The following COL9A2 variants were observed in gnomAD, a reference collection of about 807,000 sequenced individuals.
COL9A2 encodes the protein collagen type IX alpha 2 chain.
A neutral mutation model predicts 111.6 loss-of-function variants in COL9A2; 66 were observed. That is an observed-to-expected ratio of 0.59 (90% confidence interval 0.48 to 0.73). COL9A2 has a LOEUF of 0.73. Ranked by LOEUF, COL9A2 falls within the 30% of genes least tolerant of loss-of-function variation. The pLI is 0.00. For synonymous variants in COL9A2, 353 were observed against 364.1 expected (o/e 0.97, Z 0.35); for missense variants, 881 against 954.1 (o/e 0.92, Z 1.01).
At position 40,307,625 on chromosome 1, in the gene COL9A2, C is replaced by A; in HGVS notation, c.954+78G>T. 1 of 1,591,730 alleles carries A rather than the reference C, an allele frequency of 6.3e-7. No individual in the cohort carries two copies. Among genetic ancestry groups the A allele is most frequent in the Non-Finnish European group, 8.6e-7 (1 of 1,163,266 alleles). On this transcript the variant is annotated intron_variant, in intron 18 of 31. Coordinates refer to ENST00000372748, the MANE Select transcript of COL9A2 (RefSeq NM_001852.4). This position sits in a 1 kb window ranked among gnomAD's most constrained non-coding sequence, Gnocchi z 4.8. ...AAAGGGCATGTCCATGACCTGAGGA[C>A]CCCAGGCTCTTGGTGTCTAGAATCC...
chr1:40,305,673 C>T (rs1380526077), intron 21 of COL9A2, 42 bp downstream of exon 21: 2 of 1,599,390 alleles, frequency 1.3e-6, no homozygotes, highest in Non-Finnish European at 1.7e-6. Flanking sequence ...CATGGCCTCA[C>T]CCTAAAGCAG....
In COL9A2 at chr1:40,303,841, T is replaced by C. The variant is rs1263204205; in HGVS notation, c.1369-2A>G. On this transcript the variant is annotated splice_acceptor_variant, in intron 26 of 31. Transcript: ENST00000372748. LOFTEE classifies it high-confidence loss of function. This position sits in a 1 kb window ranked among gnomAD's most constrained non-coding sequence, Gnocchi z 4.6. Reference sequence around the variant, plus strand: ...GGGCCCCGGCTCGCCGGACTCGCCCTGCAGGCACAAGGAGCAGCGGTCACG... The same window carrying C: ...GGGCCCCGGCTCGCCGGACTCGCCCCGCAGGCACAAGGAGCAGCGGTCACG... 3 of 1,556,996 alleles carry C rather than the reference T, an allele frequency of 1.9e-6. No homozygotes were observed. Among genetic ancestry groups the C allele is most frequent in the Non-Finnish European group, 2.6e-6 (3 of 1,151,368 alleles).
Position 40,300,702 on chromosome 1 carries a change from C to T in COL9A2, c.*480G>A, listed in dbSNP as rs1029348887. On this transcript the variant is annotated 3_prime_UTR_variant, in exon 32 of 32. Coordinates refer to ENST00000372748, the MANE Select transcript of COL9A2 (RefSeq NM_001852.4). The surrounding 1 kb of genome is among the most constrained non-coding windows in gnomAD (Gnocchi z 4.4). ...GGTATAGCCGCCTCAGGGGAGTCAC[C>T]CAGCAGCAGTCACCTGGTAGGTCCA... The T allele has an allele frequency of 6.4e-6, 1 of 157,294 alleles. No homozygotes were observed. Among genetic ancestry groups the T allele is most frequent in the African/African-American group, 2.4e-5 (1 of 41,496 alleles). The allele number at this position is 157,294 out of a possible 1,614,324, so 9.7% of individuals were successfully genotyped here. A position where few individuals can be genotyped will look rare whatever the true frequency, so the allele number is the denominator to read the frequency against.
In COL9A2 at chr1:40,315,120, C is replaced by T. The variant is rs1379750061; in HGVS notation, c.150+470G>A. 5.9e-6 allele frequency: 4 copies of T among 681,700 alleles called. No individual in the cohort carries two copies. In the Admixed American group the frequency reaches 2.2e-4, roughly 37 times the overall value. 42.2% of individuals were successfully genotyped at this position (681,700 alleles called of 1,614,324 possible). A position where few individuals can be genotyped will look rare whatever the true frequency, so the allele number is the denominator to read the frequency against. ...GGAGCTTTCAGAATGAGGTATTTAA[C>T]CCTCACCCTGCAGGGAACAAGCCCA... On this transcript the variant is annotated intron_variant, in intron 2 of 31. Transcript: ENST00000372748.
At chr1:40,301,450 G>A in intron 31 of COL9A2, 69 bp from the exon 32 acceptor site, 1 of 1,421,748 alleles carries the variant, frequency 7.0e-7, no homozygotes, top group Non-Finnish European at 9.6e-7. Flanking sequence ...TGAAGGTGGG[G>A]AAACTTTTCA....
chr1:40,305,370 T>C (rs1644010968), intron 21 of COL9A2, among the ~76,000 whole-genome samples: 3 of 152,250 alleles, frequency 2.0e-5, no homozygotes, highest in East Asian at 1.9e-4. Context: ...ATTTATTTCA[T>C]GTCTATTTCT....
At chr1:40,315,987 C>A in intron 1 of COL9A2, 2 of 299,182 alleles carry the variant, frequency 6.7e-6, no homozygotes, top group Non-Finnish European at 6.2e-6. Context: ...CGACTCCTTC[C>A]ACTGTGCCAG....
rs1376780847 is a variant in COL9A2 at position 40,304,479 on chromosome 1, C to T, written c.1212G>A (p.Arg404=). 1 of 1,614,038 alleles carries T rather than the reference C, an allele frequency of 6.2e-7. No individual in the cohort carries two copies. Among genetic ancestry groups the T allele is most frequent in the Non-Finnish European group, 8.5e-7 (1 of 1,180,016 alleles). ...GPVGQPGPQG[R]QGPKGEQGPP... ...ACCTTAGCTGGCCTGCACTCACCTGCCTTCCCTGAGGGCCTGGTTGCCCCA... is the reference window on the plus strand; with the variant it reads ...ACCTTAGCTGGCCTGCACTCACCTGTCTTCCCTGAGGGCCTGGTTGCCCCA... The change falls in exon 23 of 32, where the codon AGG becomes AGA. Residue 404 remains arginine (R), a synonymous_variant. Coordinates refer to ENST00000372748, the MANE Select transcript of COL9A2 (RefSeq NM_001852.4).
Position 40,314,482 on chromosome 1 carries a change from C to A in COL9A2, c.151-95G>T, listed in dbSNP as rs1644184403. The A allele has an allele frequency of 7.1e-7, 1 of 1,400,442 alleles. No individual in the cohort carries two copies. Among genetic ancestry groups the A allele is most frequent in the South Asian group, 1.2e-5 (1 of 86,588 alleles). The allele number at this position is 1,400,442 out of a possible 1,614,324, so 86.8% of individuals were successfully genotyped here. A position where few individuals can be genotyped will look rare whatever the true frequency, so the allele number is the denominator to read the frequency against. Reference sequence around the variant, plus strand: ...TGGCAGGCCGCTCCCAAAGGCTCTCCTCACTCTCCTCTCTTCTGTCCAGGT... The same window carrying A: ...TGGCAGGCCGCTCCCAAAGGCTCTCATCACTCTCCTCTCTTCTGTCCAGGT... On this transcript the variant is annotated intron_variant, in intron 2 of 31. Transcript: ENST00000372748. This position sits in a 1 kb window ranked among gnomAD's most constrained non-coding sequence, Gnocchi z 4.1.
In COL9A2 at chr1:40,315,536, G is replaced by A. The variant is rs372222050; in HGVS notation, c.150+54C>T. ...CCACCCCCACCACAGCGCTCACAAA[G>A]TTCTCCTTTGTCTGCCGCCTCCCTC... is the stretch of plus-strand genomic sequence containing the variant. On this transcript the variant is annotated intron_variant, in intron 2 of 31. Coordinates refer to ENST00000372748, the MANE Select transcript of COL9A2 (RefSeq NM_001852.4). The A allele has an allele frequency of 1.2e-4, 175 of 1,431,124 alleles. 1 individual carries two copies. In the East Asian group the frequency reaches 4.0e-3, roughly 33 times the overall value. 88.7% of individuals were successfully genotyped at this position (1,431,124 alleles called of 1,614,324 possible).
chr1:40,305,075 T>C lies in COL9A2; in HGVS notation c.1108-228A>G, dbSNP rs1171933204. 1.3e-3 allele frequency: 555 copies of C among 429,306 alleles called. 6 individuals are homozygous for C. The highest frequency in any genetic ancestry group is 0.011 in the African/African-American group (502 of 46,160). The allele number at this position is 429,306 out of a possible 1,614,324, so 26.6% of individuals were successfully genotyped here. On this transcript the variant is annotated intron_variant, in intron 21 of 31. Coordinates refer to ENST00000372748, the MANE Select transcript of COL9A2 (RefSeq NM_001852.4). The stretch of plus-strand genomic sequence containing the variant: ...TTTCTTTCTTTCTTTTTTTTTTTTT[T>C]TTTTTTTTTTGAGAGGGAGTCTTGC...
Position 40,307,597 on chromosome 1 carries a change from A to G in COL9A2, c.955-98T>C, listed in dbSNP as rs1644050377. Reference sequence around the variant, plus strand: ...GGTAGGGAAACTGAGATCCAGAGGCAAGAAAGGGCATGTCCATGACCTGAG... The same window carrying G: ...GGTAGGGAAACTGAGATCCAGAGGCGAGAAAGGGCATGTCCATGACCTGAG... On this transcript the variant is annotated intron_variant, in intron 18 of 31. Coordinates refer to ENST00000372748, the MANE Select transcript of COL9A2 (RefSeq NM_001852.4). The surrounding 1 kb of genome is among the most constrained non-coding windows in gnomAD (Gnocchi z 4.8). 1 of 1,584,878 alleles carries G rather than the reference A, an allele frequency of 6.3e-7. No homozygotes were observed. The highest frequency in any genetic ancestry group is 8.6e-7 in the Non-Finnish European group (1 of 1,157,742).
At chr1:40,315,726 G>A in intron 1 of COL9A2, 62 bp from the exon 2 acceptor site, 2 of 1,254,596 alleles carry the variant, frequency 1.6e-6, no homozygotes, top group Non-Finnish European at 1.1e-6. Flanking sequence ...GCGTCCCCGG[G>A]GCTGCAAGCG....
chr1:40,302,983 A>G lies in COL9A2; in HGVS notation c.1603+148T>C. 1 of 1,073,240 alleles carries G rather than the reference A, an allele frequency of 9.3e-7. No homozygotes were observed. Among genetic ancestry groups the G allele is most frequent in the Non-Finnish European group, 1.4e-6 (1 of 725,164 alleles). The allele number at this position is 1,073,240 out of a possible 1,614,324, so 66.5% of individuals were successfully genotyped here. A position where few individuals can be genotyped will look rare whatever the true frequency, so the allele number is the denominator to read the frequency against. Reference sequence around the variant, plus strand: ...GTCAAAGGCCCAGAGTGACTTATTCAAGGTCCCAAAACCCTTCAGAGACTG... The same window carrying G: ...GTCAAAGGCCCAGAGTGACTTATTCGAGGTCCCAAAACCCTTCAGAGACTG... On this transcript the variant is annotated intron_variant, in intron 29 of 31. Coordinates refer to ENST00000372748, the MANE Select transcript of COL9A2 (RefSeq NM_001852.4). The surrounding 1 kb of genome is among the most constrained non-coding windows in gnomAD (Gnocchi z 4.5).
At position 40,302,256 on chromosome 1, in the gene COL9A2, G is replaced by T. The variant is rs1159796213; in HGVS notation, c.1792+365C>A. ...GTAAACCTAAGGCCCAGGGAAATTA[G>T]CAGGTAACTCGTCTGAGAGCCACGA... On this transcript the variant is annotated intron_variant, in intron 30 of 31. Transcript: ENST00000372748. The surrounding 1 kb of genome is among the most constrained non-coding windows in gnomAD (Gnocchi z 4.5). Among the ~76,000 whole-genome samples the T allele has an allele frequency of 6.6e-6, 1 of 152,124 alleles. No individual in the cohort carries two copies. Among genetic ancestry groups the T allele is most frequent in the Non-Finnish European group, 1.5e-5 (1 of 68,030 alleles).
At position 40,311,691 on chromosome 1, in the gene COL9A2, A is replaced by G; in HGVS notation, c.442T>C (p.Ser148Pro). The G allele has an allele frequency of 1.2e-6, 2 of 1,613,842 alleles. No individual in the cohort carries two copies. Among genetic ancestry groups the G allele is most frequent in the Non-Finnish European group, 1.7e-6 (2 of 1,179,924 alleles). Residue 148 changes from serine to proline, a missense_variant, in exon 9 of 32, where the codon TCG (serine) becomes CCG (proline). By Grantham distance (74) the Ser-to-Pro change is moderately conservative. Coordinates refer to ENST00000372748, the MANE Select transcript of COL9A2 (RefSeq NM_001852.4). This position sits in a 1 kb window ranked among gnomAD's most constrained non-coding sequence, Gnocchi z 5.1. ...TTCCCAGGGGGTCCTGGGGGCCCCG[A>G]TGGTCCATCTGGTCCAGGGTCCCCC... is the stretch of plus-strand genomic sequence containing the variant. The part of the protein sequence containing the change: ...PKGDPGPDGP[S>P]GPPGPPGKPG...
chr1:40,309,841 A>G, intron 16 of COL9A2, 97 bp downstream of exon 16: 2 of 1,176,754 alleles, frequency 1.7e-6, no homozygotes, highest in Non-Finnish European at 2.6e-6. Flanking sequence ...TCACGCACAC[A>G]CTCATGCACT....
chr1:40,314,476 G>C lies in COL9A2; in HGVS notation c.151-89C>G. 1 of 1,490,296 alleles carries C rather than the reference G, an allele frequency of 6.7e-7. No homozygotes were observed. The highest frequency in any genetic ancestry group is 1.4e-5 in the African/African-American group (1 of 72,492). The allele number at this position is 1,490,296 out of a possible 1,614,324, so 92.3% of individuals were successfully genotyped here. ...AGGCCCTGGCAGGCCGCTCCCAAAG[G>C]CTCTCCTCACTCTCCTCTCTTCTGT... On this transcript the variant is annotated intron_variant, in intron 2 of 31. Coordinates refer to ENST00000372748, the MANE Select transcript of COL9A2 (RefSeq NM_001852.4). This position sits in a 1 kb window ranked among gnomAD's most constrained non-coding sequence, Gnocchi z 4.1.
In COL9A2 at chr1:40,303,421, C is replaced by T; in HGVS notation, c.1548+109G>A. 6.8e-7 allele frequency: 1 copy of T among 1,479,972 alleles called. No individual in the cohort carries two copies. Among genetic ancestry groups the T allele is most frequent in the Non-Finnish European group, 9.2e-7 (1 of 1,083,076 alleles). The allele number at this position is 1,479,972 out of a possible 1,614,324, so 91.7% of individuals were successfully genotyped here. The stretch of plus-strand genomic sequence containing the variant: ...GTCTGCTCTGGGGCTTGGAACCAGT[C>T]TCGGGGAAGTCGGTGAGTCTCTGGG... On this transcript the variant is annotated intron_variant, in intron 28 of 31. Coordinates refer to ENST00000372748, the MANE Select transcript of COL9A2 (RefSeq NM_001852.4). This position sits in a 1 kb window ranked among gnomAD's most constrained non-coding sequence, Gnocchi z 4.6.
Sources: allele counts gnomAD v4.1 joint callset (sites outside exome capture counted in the v4.1 genomes callset), GRCh38; gene constraint gnomAD v4.1.1; non-coding constraint Gnocchi (gnomAD v3.1); transcripts MANE v1.5; gene names NCBI Gene and HGNC (gene_info 2026-07-23, HGNC 2026-07-21).